FXR2: variants seen among roughly 807,000 people sequenced by gnomAD.
FXR2 encodes the protein FMR1 autosomal homolog 2, also known as RNA-binding protein FXR2.
A neutral mutation model predicts 87.3 loss-of-function variants in FXR2; 9 were observed. The observed-to-expected ratio is 0.10, with a 90% CI of 0.06 to 0.18. The LOEUF (loss-of-function observed/expected upper bound fraction) is 0.18, where lower values mean the gene tolerates loss of function less well. FXR2 is among the 10% of genes least tolerant of loss of function. The pLI is 1.00. For synonymous variants in FXR2, 331 were observed against 328.3 expected, an observed-to-expected ratio of 1.01 and a Z score of -0.09; for missense variants, 661 against 893.6, an observed-to-expected ratio of 0.74 and a Z score of 3.32.
intron 6 of FXR2, 39 bp downstream of exon 6, chr17:7,602,870 T>C (rs1202470289): frequency 1.1e-6 from 1 of 950,914 alleles, no homozygotes. Context: ...GAAAAAATGT[T>C]CAAAAGGCTT....
chr17:7,595,837 C>T lies in FXR2; in HGVS notation c.818G>A (p.Arg273His). Residue 273 changes from arginine (R) to histidine (H), a missense_variant, in exon 8 of 17, where the codon CGC (arginine) becomes CAC (histidine). Around this residue, in one of 3 missense-constraint regions of FXR2, gnomAD observed 82 missense variants for 214.4 expected, o/e 0.38. Transcript: ENST00000250113. The surrounding 1 kb of genome is among the most constrained non-coding windows in gnomAD (Gnocchi z 4.7). ...IELGEETCTF[R>H]IYGETPEACR... ...TCCTTTGCTGACCTCCCCATAGATG[C>T]GGAAAGTGCAGGTCTCTTCACCCAA... is the stretch of plus-strand genomic sequence containing the variant. 1.2e-6 allele frequency: 2 copies of T among 1,613,404 alleles called. No homozygotes were observed. The highest frequency in any genetic ancestry group is 1.7e-6 in the Non-Finnish European group (2 of 1,179,512).
Position 7,592,712 on chromosome 17 carries a change from T to C in FXR2, c.1711A>G (p.Met571Val), listed in dbSNP as rs1167526489. The C allele has an allele frequency of 6.2e-7, 1 of 1,613,614 alleles. No homozygotes were observed. Among genetic ancestry groups the C allele is most frequent in the East Asian group, 2.2e-5 (1 of 44,858 alleles). Residue 571 changes from methionine to valine, a missense_variant, in exon 14 of 17, where the codon ATG (methionine) becomes GTG (valine). Coordinates refer to ENST00000250113, the MANE Select transcript of FXR2 (RefSeq NM_004860.4). This position sits in a 1 kb window ranked among gnomAD's most constrained non-coding sequence, Gnocchi z 4.8. ...CCCTCACCCAGGCCATTCTCTGTCA[T>C]GTTGGGCCCATCTGATTCCAGGCCT... ...DGGLESDGPN[M>V]TENGLEDESR...
In FXR2 at chr17:7,603,009, A is replaced by G; in HGVS notation, c.450-7T>C. ...GACGTTTTCATTGGAGCAGCTGCAG[A>G]GGAAAAAAGTACTCAGCGGGCAGAA... On this transcript the variant is annotated splice_polypyrimidine_tract_variant and splice_region_variant and intron_variant, in intron 5 of 16. Transcript: ENST00000250113. 1 of 1,485,904 alleles carries G rather than the reference A, an allele frequency of 6.7e-7. No individual in the cohort carries two copies. The highest frequency in any genetic ancestry group is 1.2e-5 in the South Asian group (1 of 86,168). The allele number at this position is 1,485,904 out of a possible 1,614,324, so 92.0% of individuals were successfully genotyped here.
rs759182087 is a variant in FXR2 at position 7,593,993 on chromosome 17, G to A, written c.1032C>T (p.Pro344=). Residue 344 remains proline (P), a synonymous_variant, in exon 11 of 17, where the codon CCC becomes CCT. Coordinates refer to ENST00000250113, the MANE Select transcript of FXR2 (RefSeq NM_004860.4). The surrounding 1 kb of genome is among the most constrained non-coding windows in gnomAD (Gnocchi z 6.1). Reference sequence around the variant, plus strand: ...TCTCTCGGGTGCCAACAAAAATGAAGGGAACCATTCCCTAGAGAACAGAGA... The same window carrying A: ...TCTCTCGGGTGCCAACAAAAATGAAAGGAACCATTCCCTAGAGAACAGAGA... ...KKNPREEGMV[P]FIFVGTRENI... 10 of 1,601,896 alleles carry A rather than the reference G, an allele frequency of 6.2e-6. No homozygotes were observed. Among genetic ancestry groups the A allele is most frequent in the Non-Finnish European group, 8.6e-6 (10 of 1,168,908 alleles).
At position 7,591,563 on chromosome 17, in the gene FXR2, G is replaced by A. The variant is rs1389680197; in HGVS notation, c.*267C>T. On this transcript the variant is annotated 3_prime_UTR_variant, in exon 17 of 17. Transcript: ENST00000250113. The surrounding 1 kb of genome is among the most constrained non-coding windows in gnomAD (Gnocchi z 4.0). ...ATGGGGGTGTTCAGAGAGAGATTGGGGCATTAGAGGATAAAGGCACATCCA... is the reference window on the plus strand; with the variant it reads ...ATGGGGGTGTTCAGAGAGAGATTGGAGCATTAGAGGATAAAGGCACATCCA... The A allele has an allele frequency of 1.1e-5, 5 of 458,240 alleles. No individual in the cohort carries two copies. Among genetic ancestry groups the A allele is most frequent in the African/African-American group, 6.0e-5 (3 of 49,954 alleles). The allele number at this position is 458,240 out of a possible 1,614,324, so 28.4% of individuals were successfully genotyped here.
chr17:7,598,594 G>C (rs926855124), intron 7 of FXR2, among the ~76,000 whole-genome samples: 1 of 152,116 alleles, frequency 6.6e-6, no homozygotes, highest in Non-Finnish European at 1.5e-5. Flanking sequence ...ACCGAATTTT[G>C]TATCGGTCTC....
In FXR2 at chr17:7,610,007, T is replaced by TATATATATATACATGCATATGTATAC. The variant is rs1567754045; in HGVS notation, c.82-3859_82-3858insGTATACATATGCATGTATATATATAT. Among the ~76,000 whole-genome samples the TATATATATATACATGCATATGTATAC allele has an allele frequency of 1.4e-3, 108 of 76,706 alleles. 4 individuals carry two copies. The highest frequency in any genetic ancestry group is 4.9e-3 in the African/African-American group (101 of 20,506). The allele number at this position is 76,706 out of a possible 152,430, so 50.3% of individuals were successfully genotyped here. A position where few individuals can be genotyped will look rare whatever the true frequency, so the allele number is the denominator to read the frequency against. On this transcript the variant is annotated intron_variant, in intron 1 of 16. Transcript: ENST00000250113. ...ATATATATACATGTATATGTATACA[T>TATATATATATACATGCATATGTATAC]ATATATATACATGTATATGTATACA...
intron 1 of FXR2, among the ~76,000 whole-genome samples, chr17:7,607,102 T>G (rs1027598325): frequency 1.6e-4 from 25 of 152,172 alleles, no homozygotes; most frequent in Admixed American, 1.6e-3. Context: ...GCAGATCACC[T>G]GAGGTCAGGA....
At position 7,614,438 on chromosome 17, in the gene FXR2, G is replaced by A; in HGVS notation, c.81+14C>T. Reference sequence around the variant, plus strand: ...GGCTAAGGACCGGCGTCCCCAGTCGGCGCGCCGTCTCACCTTGTAGAAGGC... The same window carrying A: ...GGCTAAGGACCGGCGTCCCCAGTCGACGCGCCGTCTCACCTTGTAGAAGGC... On this transcript the variant is annotated intron_variant, in intron 1 of 16. Coordinates refer to ENST00000250113, the MANE Select transcript of FXR2 (RefSeq NM_004860.4). The A allele has an allele frequency of 6.6e-7, 1 of 1,523,366 alleles. No individual in the cohort carries two copies. Among genetic ancestry groups the A allele is most frequent in the East Asian group, 2.5e-5 (1 of 39,366 alleles). 94.4% of individuals were successfully genotyped at this position (1,523,366 alleles called of 1,614,324 possible). A position where few individuals can be genotyped will look rare whatever the true frequency, so the allele number is the denominator to read the frequency against.
chr17:7,612,631 C>G (rs1442376666), intron 1 of FXR2, among the ~76,000 whole-genome samples: 1 of 152,082 alleles, frequency 6.6e-6, no homozygotes, highest in African/African-American at 2.4e-5. Flanking sequence ...TGGGTACCCA[C>G]AGTCACCGCA....
In FXR2 at chr17:7,595,478, G is replaced by C. The variant is rs899788310; in HGVS notation, c.831+346C>G. 1.4e-5 allele frequency among the ~76,000 whole-genome samples: 2 copies of C among 147,918 alleles called. No individual in the cohort carries two copies. The highest frequency in any genetic ancestry group is 2.0e-4 in the East Asian group (1 of 5,032). On this transcript the variant is annotated intron_variant, in intron 8 of 16. Transcript: ENST00000250113. The surrounding 1 kb of genome is among the most constrained non-coding windows in gnomAD (Gnocchi z 4.7). ...ACGTTTTTTGGTTTTTGGTTTTTTT[G>C]GGGGGTAAAGACAGGGTCTCTCTAT... is the stretch of plus-strand genomic sequence containing the variant.
At chr17:7,606,229 C>T in intron 1 of FXR2, 80 bp from the exon 2 acceptor site, 1 of 902,994 alleles carries the variant, frequency 1.1e-6, no homozygotes, top group Non-Finnish European at 1.7e-6. Context: ...AATAAGACAC[C>T]ACAAAACCTT....
Position 7,593,145 on chromosome 17 carries a change from T to C in FXR2, c.1367A>G (p.Glu456Gly). The C allele has an allele frequency of 6.4e-7, 1 of 1,551,454 alleles. No homozygotes were observed. Among genetic ancestry groups the C allele is most frequent in the South Asian group, 1.2e-5 (1 of 81,040 alleles). ...SSDVSTASET[E>G]SEKREEPNRA... ...GTTGGGCTCCTCTCTCTTCTCTGACTCAGTCTCTGAAGCTGTAGACACATC... is the reference window on the plus strand; with the variant it reads ...GTTGGGCTCCTCTCTCTTCTCTGACCCAGTCTCTGAAGCTGTAGACACATC... Residue 456 changes from glutamate (E) to glycine (G), a missense_variant, in exon 13 of 17, where the codon GAG (glutamate) becomes GGG (glycine). Transcript: ENST00000250113. This position sits in a 1 kb window ranked among gnomAD's most constrained non-coding sequence, Gnocchi z 6.1.
Position 7,591,322 on chromosome 17 carries a change from A to T in FXR2, c.*508T>A, listed in dbSNP as rs2071657400. On this transcript the variant is annotated 3_prime_UTR_variant, in exon 17 of 17. Transcript: ENST00000250113. The surrounding 1 kb of genome is among the most constrained non-coding windows in gnomAD (Gnocchi z 4.0). ...ACCAGACAAGGTTGGTCCCCTCCCC[A>T]GGGGGACCTTGTCACCCCCCTTCAT... 2 of 164,490 alleles carry T rather than the reference A, an allele frequency of 1.2e-5. No individual in the cohort carries two copies. Among genetic ancestry groups the T allele is most frequent in the South Asian group, 2.9e-4 (2 of 6,794 alleles). The allele number at this position is 164,490 out of a possible 1,614,324, so 10.2% of individuals were successfully genotyped here.
chr17:7,592,257 C>G lies in FXR2; in HGVS notation c.1923G>C (p.Gln641His), dbSNP rs2071668552. ...TKPSEDSLSG[Q>H]KGDSVSKLPK... ...AAAGCACATCTTGCCTGCCTACCTT[C>G]TGTCCTGAAAGAGAGTCTTCTGAGG... is the stretch of plus-strand genomic sequence containing the variant. The change falls in exon 16 of 17, where the codon CAG (glutamine) becomes CAC (histidine). Residue 641 changes from glutamine (Q) to histidine (H), a missense_variant. Around this residue, in one of 3 missense-constraint regions of FXR2, gnomAD observed 409 missense variants for 432.0 expected, o/e 0.95. Transcript: ENST00000250113. The surrounding 1 kb of genome is among the most constrained non-coding windows in gnomAD (Gnocchi z 4.8). The G allele has an allele frequency of 1.2e-6, 2 of 1,608,348 alleles. No homozygotes were observed. The highest frequency in any genetic ancestry group is 1.7e-6 in the Non-Finnish European group (2 of 1,174,836).
Position 7,591,809 on chromosome 17 carries a change from G to A in FXR2, c.*21C>T. ...TGGGCAGCAAGCGAGATGGAGAAGG[G>A]AGGGGTGCAGGTTGGAGGTTTTATG... is the stretch of plus-strand genomic sequence containing the variant. On this transcript the variant is annotated 3_prime_UTR_variant, in exon 17 of 17. Coordinates refer to ENST00000250113, the MANE Select transcript of FXR2 (RefSeq NM_004860.4). This position sits in a 1 kb window ranked among gnomAD's most constrained non-coding sequence, Gnocchi z 4.0. The A allele has an allele frequency of 8.1e-7, 1 of 1,236,348 alleles. No homozygotes were observed. The highest frequency in any genetic ancestry group is 2.3e-5 in the East Asian group (1 of 43,180). 76.6% of individuals were successfully genotyped at this position (1,236,348 alleles called of 1,614,324 possible).
chr17:7,613,072 G>C (rs55999944), intron 1 of FXR2, among the ~76,000 whole-genome samples: 1 of 147,396 alleles, frequency 6.8e-6, no homozygotes, highest in East Asian at 2.0e-4. Context: ...CCACCCAAGA[G>C]AAATTACAAG....
Position 7,593,784 on chromosome 17 carries a change from T to C in FXR2, c.1107+134A>G, listed in dbSNP as rs890733571. On this transcript the variant is annotated intron_variant, in intron 11 of 16. Coordinates refer to ENST00000250113, the MANE Select transcript of FXR2 (RefSeq NM_004860.4). The surrounding 1 kb of genome is among the most constrained non-coding windows in gnomAD (Gnocchi z 6.1). ...AGGAAAATTCTGGGACCCAACCCTA[T>C]AGCCCCAAATTTCCACAGATGTTTT... 18 of 804,532 alleles carry C rather than the reference T, an allele frequency of 2.2e-5. 1 individual carries two copies. Among genetic ancestry groups the C allele is most frequent in the Non-Finnish European group, 3.5e-5 (17 of 488,058 alleles). The allele number at this position is 804,532 out of a possible 1,614,324, so 49.8% of individuals were successfully genotyped here. A position where few individuals can be genotyped will look rare whatever the true frequency, so the allele number is the denominator to read the frequency against.
chr17:7,593,741 G>A lies in FXR2; in HGVS notation c.1108-116C>T. ...AACCTCTCAGGAATGCAGGGAGAAG[G>A]AAGACACTGGCTAAACAAGGAAAAT... On this transcript the variant is annotated intron_variant, in intron 11 of 16. Coordinates refer to ENST00000250113, the MANE Select transcript of FXR2 (RefSeq NM_004860.4). This position sits in a 1 kb window ranked among gnomAD's most constrained non-coding sequence, Gnocchi z 6.1. 1 of 846,300 alleles carries A rather than the reference G, an allele frequency of 1.2e-6. No individual in the cohort carries two copies. Among genetic ancestry groups the A allele is most frequent in the Non-Finnish European group, 1.9e-6 (1 of 526,794 alleles). 52.4% of individuals were successfully genotyped at this position (846,300 alleles called of 1,614,324 possible).
Sources: gnomAD v4.1 joint callset for allele counts (sites outside exome capture counted in the v4.1 genomes callset) on GRCh38, gnomAD v4.1.1 for gene constraint, gnomAD v4.1.1 regional missense constraint, Gnocchi (gnomAD v3.1) non-coding constraint, MANE v1.5 for transcripts, NCBI Gene and HGNC (gene_info 2026-07-23, HGNC 2026-07-21) for gene names.